The following GRIN2D variants were observed in gnomAD, a reference collection of about 807,000 sequenced individuals.
GRIN2D encodes glutamate receptor ionotropic, NMDA 2D.
Under a neutral mutation model 103.2 loss-of-function variants are expected in GRIN2D, and 37 were observed. The ratio of observed to expected loss-of-function variants is 0.36; its 90% CI spans 0.28 to 0.47. The LOEUF (loss-of-function observed/expected upper bound fraction) is 0.47. Ranked by LOEUF, GRIN2D falls within the 20% of genes least tolerant of loss-of-function variation. The pLI, the probability that GRIN2D is intolerant of heterozygous loss-of-function variation, is 1.00. For synonymous variants in GRIN2D, 845 were observed against 885.6 expected (o/e 0.95, Z 0.81); for missense variants, 1,557 against 1,910.6 (o/e 0.81, Z 3.45).
intron 11 of GRIN2D, among the ~76,000 whole-genome samples, chr19:48,422,697 T>G (rs1331384135): frequency 6.6e-6 from 1 of 152,252 alleles, no homozygotes; most frequent in Admixed American, 6.5e-5. Context: ...TATAGGTGTT[T>G]GCTGATATTA....
chr19:48,418,255 A>G (rs1970972787), intron 8 of GRIN2D, among the ~76,000 whole-genome samples: 1 of 151,052 alleles, frequency 6.6e-6, no homozygotes, highest in South Asian at 2.1e-4. Context: ...CTGGTCTTGA[A>G]CTCCTGACCT....
chr19:48,414,543 AGACT>A lies in GRIN2D; in HGVS notation c.1372_1375del (p.Asp458ProfsTer34). The A allele has an allele frequency of 2.6e-6, 4 of 1,555,894 alleles. No individual in the cohort carries two copies. The highest frequency in any genetic ancestry group is 3.5e-6 in the Non-Finnish European group (4 of 1,150,212). On this transcript the variant is annotated frameshift_variant, in exon 6 of 14. Transcript: ENST00000263269. LOFTEE classifies it high-confidence loss of function. This position sits in a 1 kb window ranked among gnomAD's most constrained non-coding sequence, Gnocchi z 4.6. Reference sequence around the variant, plus strand: ...ACCCTATCAGCGGCACCTGCATCCGAGACTCCGTCCCCTGCCGGAGCCAGCTCAA... The same window carrying A: ...ACCCTATCAGCGGCACCTGCATCCGACCGTCCCCTGCCGGAGCCAGCTCAA...
intron 11 of GRIN2D, among the ~76,000 whole-genome samples, chr19:48,425,423 G>A (rs988406996): frequency 1.3e-5 from 2 of 152,134 alleles, no homozygotes; most frequent in Admixed American, 6.6e-5. Context: ...TCTATTTTTA[G>A]TAGACATGTG....
chr19:48,395,360 C>A (rs369410943), intron 2 of GRIN2D, among the ~76,000 whole-genome samples: 8 of 151,818 alleles, frequency 5.3e-5, no homozygotes, highest in Non-Finnish European at 1.2e-4. Flanking sequence ...GCTATTAATA[C>A]CCCCGCCAAG....
At position 48,398,707 on chromosome 19, in the gene GRIN2D, C is replaced by T; in HGVS notation, c.315C>T (p.Asp105=). Residue 105 remains aspartate, a synonymous_variant, in exon 3 of 14, where the codon GAC becomes GAT. Coordinates refer to ENST00000263269, the MANE Select transcript of GRIN2D (RefSeq NM_000836.4). ...GCAGCCTCGTGCTGCAGCTCTGCGA[C>T]CTGCTGTCGGGGTTGCGCGTGCACG... ...DPRSLVLQLC[D]LLSGLRVHGV... 6.8e-7 allele frequency: 1 copy of T among 1,465,678 alleles called. No homozygotes were observed. Among genetic ancestry groups the T allele is most frequent in the Non-Finnish European group, 9.0e-7 (1 of 1,114,398 alleles). The allele number at this position is 1,465,678 out of a possible 1,614,324, so 90.8% of individuals were successfully genotyped here.
rs1970771814 is a variant in GRIN2D, at chr19:48,405,126, G to A, written c.858G>A (p.Gly286=). The change falls in exon 4 of 14, where the codon GGG becomes GGA. Residue 286 remains glycine (G), a synonymous_variant. Transcript: ENST00000263269. The surrounding 1 kb of genome is among the most constrained non-coding windows in gnomAD (Gnocchi z 5.1). The part of the protein sequence containing the change: ...GPQLAGGGGS[G]APGEPPLLPG... The stretch of plus-strand genomic sequence containing the variant: ...AGCTGGCTGGAGGCGGGGGCTCTGG[G>A]GCCCCTGGTGAGCCCCCTCTTCTGC... 4.4e-6 allele frequency: 7 copies of A among 1,577,558 alleles called. No individual in the cohort carries two copies. Among genetic ancestry groups the A allele is most frequent in the African/African-American group, 2.7e-5 (2 of 74,042 alleles).
chr19:48,429,397 AT>A (rs1971129135), intron 11 of GRIN2D, among the ~76,000 whole-genome samples: 1 of 150,418 alleles, frequency 6.6e-6, no homozygotes, highest in South Asian at 2.1e-4. Context: ...GATTAATTTT[AT>A]TTTATTTATT....
In GRIN2D at chr19:48,412,827, TAAAA is replaced by T. The variant is rs201379585; in HGVS notation, c.1086-1151_1086-1148del. 8.1e-5 allele frequency among the ~76,000 whole-genome samples: 8 copies of T among 98,914 alleles called. No individual in the cohort carries two copies. The South Asian group carries it at 9.4e-4, about 12-fold the overall frequency. 64.9% of individuals were successfully genotyped at this position (98,914 alleles called of 152,430 possible). A position where few individuals can be genotyped will look rare whatever the true frequency, so the allele number is the denominator to read the frequency against. On this transcript the variant is annotated intron_variant, in intron 4 of 13. Coordinates refer to ENST00000263269, the MANE Select transcript of GRIN2D (RefSeq NM_000836.4). ...CAAAAACAAACAAAAAACCACACAT[TAAAA>T]AAAAAAAAAAAAGAAAGAGGAGGGC...
chr19:48,423,866 G>T (rs934571531), intron 11 of GRIN2D, among the ~76,000 whole-genome samples: 1 of 152,166 alleles, frequency 6.6e-6, no homozygotes, highest in Non-Finnish European at 1.5e-5. Context: ...GCCCAGGCTG[G>T]AGTGCAGTAG....
chr19:48,438,224 T>TAG (rs1365680273), intron 11 of GRIN2D, among the ~76,000 whole-genome samples: 1 of 149,992 alleles, frequency 6.7e-6, no homozygotes, highest in East Asian at 2.0e-4. Context: ...TACTCAAGAC[T>TAG]AGAGGTTAAG....
Position 48,421,275 on chromosome 19 carries a change from A to C in GRIN2D, c.2092-510A>C, listed in dbSNP as rs1971018941. Among the ~76,000 whole-genome samples the C allele has an allele frequency of 6.6e-6, 1 of 152,032 alleles. No individual in the cohort carries two copies. Among genetic ancestry groups the C allele is most frequent in the Admixed American group, 6.6e-5 (1 of 15,240 alleles). On this transcript the variant is annotated intron_variant, in intron 10 of 13. Transcript: ENST00000263269. The surrounding 1 kb of genome is among the most constrained non-coding windows in gnomAD (Gnocchi z 4.8). ...GAAACCCCATCTCTACTAAAAATAC[A>C]AAACTGGCTGGGCATGGTGGTATGT...
chr19:48,403,765 T>C (rs1478677688), intron 3 of GRIN2D, among the ~76,000 whole-genome samples: 3 of 152,306 alleles, frequency 2.0e-5, no homozygotes, highest in East Asian at 3.9e-4. Flanking sequence ...AGCACCCTCA[T>C]TGCATGCTGG....
chr19:48,419,387 C>G, intron 9 of GRIN2D, 28 bp downstream of exon 9: 1 of 1,584,482 alleles, frequency 6.3e-7, no homozygotes, highest in Non-Finnish European at 8.5e-7. Flanking sequence ...CATCCCCCGC[C>G]TCGGAGATCC....
At chr19:48,424,994 A>G (rs1190224564) in intron 11 of GRIN2D, among the ~76,000 whole-genome samples, 1 of 151,554 alleles carries the variant, frequency 6.6e-6, no homozygotes, top group Non-Finnish European at 1.5e-5. Context: ...TCCCTCCAGG[A>G]AGGACCCTGA....
chr19:48,423,872 A>T (rs1292822518), intron 11 of GRIN2D, among the ~76,000 whole-genome samples: 1 of 152,182 alleles, frequency 6.6e-6, no homozygotes, highest in East Asian at 1.9e-4. Context: ...GCTGGAGTGC[A>T]GTAGTTCGAT....
intron 2 of GRIN2D, among the ~76,000 whole-genome samples, chr19:48,397,121 T>A (rs1388049395): frequency 6.9e-6 from 1 of 144,510 alleles, no homozygotes; most frequent in East Asian, 2.3e-4. Flanking sequence ...TCTCCACAGC[T>A]GTGCCCCCCA....
chr19:48,395,732 C>T (rs2147430738), intron 2 of GRIN2D, among the ~76,000 whole-genome samples: 1 of 152,032 alleles, frequency 6.6e-6, no homozygotes, highest in African/African-American at 2.4e-5. Flanking sequence ...GAGGCCAGAG[C>T]TCGGTGGGGG....
At position 48,443,588 on chromosome 19, in the gene GRIN2D, G is replaced by T; in HGVS notation, c.3662G>T (p.Arg1221Leu). 2.5e-6 allele frequency: 3 copies of T among 1,178,550 alleles called. No homozygotes were observed. Among genetic ancestry groups the T allele is most frequent in the Non-Finnish European group, 3.1e-6 (3 of 955,280 alleles). The allele number at this position is 1,178,550 out of a possible 1,614,324, so 73.0% of individuals were successfully genotyped here. ...PPPWAAGPLP[R>L]RRARCGCPRS... ...CCCTGGGCCGCCGGGCCCCTGCCCC[G>T]ACGCCGGGCCCGCTGCGGGTGCCCG... Residue 1221 changes from arginine (R) to leucine (L), a missense_variant, in exon 14 of 14, where the codon CGA (arginine) becomes CTA (leucine). Transcript: ENST00000263269. This position sits in a 1 kb window ranked among gnomAD's most constrained non-coding sequence, Gnocchi z 8.9.
At position 48,400,298 on chromosome 19, in the gene GRIN2D, A is replaced by G. The variant is rs556847833; in HGVS notation, c.465+1441A>G. Among the ~76,000 whole-genome samples the G allele has an allele frequency of 9.2e-5, 14 of 152,222 alleles. No individual in the cohort carries two copies. In the East Asian group the frequency reaches 2.5e-3, roughly 27 times the overall value. Reference sequence around the variant, plus strand: ...TGGGGCCAGCGCAACCCAGAGGTGGAGCTTCATTCAATCTGCCCATTCCCT... The same window carrying G: ...TGGGGCCAGCGCAACCCAGAGGTGGGGCTTCATTCAATCTGCCCATTCCCT... On this transcript the variant is annotated intron_variant, in intron 3 of 13. Coordinates refer to ENST00000263269, the MANE Select transcript of GRIN2D (RefSeq NM_000836.4).
Sources: gnomAD v4.1 joint callset for allele counts (sites outside exome capture counted in the v4.1 genomes callset) on GRCh38, gnomAD v4.1.1 for gene constraint, Gnocchi (gnomAD v3.1) non-coding constraint, MANE v1.5 for transcripts, NCBI Gene and HGNC (gene_info 2026-07-23, HGNC 2026-07-21) for gene names.